Variants in SLC9C1 observed in about 807,000 individuals in gnomAD.
SLC9C1 encodes sodium/hydrogen exchanger 10.
Under a neutral mutation model 140.9 loss-of-function variants are expected in SLC9C1, and 97 were observed. That is an observed-to-expected ratio of 0.69 (90% CI 0.58 to 0.82). SLC9C1 has a LOEUF of 0.82. SLC9C1 is among the 40% of genes least tolerant of loss of function. The probability of loss-of-function intolerance (pLI) is 0.00; values close to 1 mark genes in which losing one functional copy is unlikely to be tolerated. For synonymous variants in SLC9C1, 440 were observed against 442.6 expected (o/e 0.99, Z 0.07); for missense variants, 1,340 against 1,389.3 (o/e 0.96, Z 0.56).
At position 112,168,322 on chromosome 3, in the gene SLC9C1, TACACACACACACACACAC is replaced by T. The variant is rs56965031; in HGVS notation, c.3237+537_3237+554del. ...CTGATTCTCCCCCAACACAAAACAA[TACACACACACACACACAC>T]ACACACACACACACACACACACACA... is the stretch of plus-strand genomic sequence containing the variant. On this transcript the variant is annotated intron_variant, in intron 25 of 28. Coordinates refer to ENST00000305815, the MANE Select transcript of SLC9C1 (RefSeq NM_183061.3). Among the ~76,000 whole-genome samples the T allele has an allele frequency of 3.7e-4, 49 of 133,832 alleles. 1 individual carries two copies. Among genetic ancestry groups the T allele is most frequent in the Admixed American group, 1.1e-3 (14 of 13,020 alleles). 87.8% of individuals were successfully genotyped at this position (133,832 alleles called of 152,430 possible).
chr3:112,209,265 A>G (rs2108067782), intron 15 of SLC9C1, among the ~76,000 whole-genome samples: 1 of 152,264 alleles, frequency 6.6e-6, no homozygotes, highest in Admixed American at 6.5e-5. Context: ...CTGTGCTCAC[A>G]TTGCCAGGGC....
intron 20 of SLC9C1, among the ~76,000 whole-genome samples, chr3:112,198,640 A>T (rs926452485): frequency 1.3e-5 from 2 of 151,944 alleles, no homozygotes; most frequent in Non-Finnish European, 2.9e-5. Flanking sequence ...ATGAGGGTTA[A>T]ATTTTATCAA....
At position 112,178,206 on chromosome 3, in the gene SLC9C1, ATGAC is replaced by A. The variant is rs552283903; in HGVS notation, c.2919+1321_2919+1324del. Among the ~76,000 whole-genome samples, 71 of 151,698 alleles carry A rather than the reference ATGAC, an allele frequency of 4.7e-4. 1 individual carries two copies. The highest frequency in any genetic ancestry group is 8.7e-4 in the Non-Finnish European group (59 of 67,938). On this transcript the variant is annotated intron_variant, in intron 23 of 28. Coordinates refer to ENST00000305815, the MANE Select transcript of SLC9C1 (RefSeq NM_183061.3). ...CAGTCTGGAGTGCAGTGGTGCAATCATGACTGACTGTAACTTTGGGTTCCTGAGC... is the reference window on the plus strand; with the variant it reads ...CAGTCTGGAGTGCAGTGGTGCAATCATGACTGTAACTTTGGGTTCCTGAGC...
chr3:112,247,298 G>A (rs1356237076), intron 10 of SLC9C1, among the ~76,000 whole-genome samples: 1 of 151,938 alleles, frequency 6.6e-6, no homozygotes, highest in African/African-American at 2.4e-5. Flanking sequence ...TATCTAGGGT[G>A]GAAAGCCCTC....
At chr3:112,166,356 G>A (rs1437720262) in intron 26 of SLC9C1, among the ~76,000 whole-genome samples, 3 of 152,316 alleles carry the variant, frequency 2.0e-5, no homozygotes, top group Non-Finnish European at 2.9e-5. Context: ...CGTCTTCTGC[G>A]TCACTCATGC....
intron 26 of SLC9C1, among the ~76,000 whole-genome samples, chr3:112,157,606 G>C (rs1280304894): frequency 6.6e-6 from 1 of 151,800 alleles, no homozygotes; most frequent in Admixed American, 6.6e-5. Context: ...AGATTGCTTT[G>C]GGTAGTATAG....
chr3:112,243,967 C>A, intron 11 of SLC9C1, 28 bp downstream of exon 11: 1 of 1,448,424 alleles, frequency 6.9e-7, no homozygotes, highest in Non-Finnish European at 9.5e-7. Flanking sequence ...TTTTTCTCTC[C>A]ACAGGAATAG....
At chr3:112,249,739 G>A (rs9819582) in intron 10 of SLC9C1, among the ~76,000 whole-genome samples, 89,917 of 151,854 alleles carry the variant, frequency 0.59, 27,135 homozygotes, top group East Asian at 0.79. Flanking sequence ...GGTGTTCACA[G>A]CATTTTCTGA....
At chr3:112,201,994 T>A (rs999441469) in intron 18 of SLC9C1, among the ~76,000 whole-genome samples, 12 of 152,012 alleles carry the variant, frequency 7.9e-5, no homozygotes, top group African/African-American at 2.9e-4. Flanking sequence ...AGCTAACCAC[T>A]GCACTTGGGT....
At chr3:112,278,706 T>G in intron 4 of SLC9C1, 23 bp downstream of exon 4, 1 of 1,580,158 alleles carries the variant, frequency 6.3e-7, no homozygotes, top group Non-Finnish European at 8.5e-7. Flanking sequence ...GAATGAATGA[T>G]ATTACCAAAA....
chr3:112,164,055 T>C (rs1178691466), intron 26 of SLC9C1, among the ~76,000 whole-genome samples: 1 of 152,140 alleles, frequency 6.6e-6, no homozygotes, highest in Non-Finnish European at 1.5e-5. Context: ...TTGATCTTTG[T>C]TGGTTTAAAG....
At chr3:112,209,446 T>C (rs13064510) in intron 15 of SLC9C1, among the ~76,000 whole-genome samples, 69,067 of 151,998 alleles carry the variant, frequency 0.45, 16,191 homozygotes, top group East Asian at 0.62. Flanking sequence ...CTTAAATTTA[T>C]GGTTAAATTT....
rs1469159083 is a variant in SLC9C1, at chr3:112,262,923, C to T, written c.1197+1G>A. On this transcript the variant is annotated splice_donor_variant, in intron 10 of 28. Transcript: ENST00000305815. LOFTEE classifies it high-confidence loss of function. ...AGATAAGAAAATACAGCTTTCTTTA[C>T]TTGAGATTTTTCTTTGTCAGATCCA... 1 of 1,561,470 alleles carries T rather than the reference C, an allele frequency of 6.4e-7. No homozygotes were observed. The highest frequency in any genetic ancestry group is 1.4e-5 in the African/African-American group (1 of 71,992).
intron 20 of SLC9C1, among the ~76,000 whole-genome samples, chr3:112,186,857 G>T (rs941642273): frequency 2.0e-5 from 3 of 152,158 alleles, no homozygotes; most frequent in Non-Finnish European, 4.4e-5. Context: ...GAGTAGGATG[G>T]TCTTTTTCAT....
chr3:112,273,513 A>G (rs1205283553), intron 6 of SLC9C1, among the ~76,000 whole-genome samples: 1 of 152,090 alleles, frequency 6.6e-6, no homozygotes, highest in African/African-American at 2.4e-5. Flanking sequence ...AATACCTCCT[A>G]TGCCCAAGTG....
intron 13 of SLC9C1, among the ~76,000 whole-genome samples, chr3:112,227,216 G>A (rs2078705719): frequency 6.6e-6 from 1 of 151,972 alleles, no homozygotes; most frequent in South Asian, 2.1e-4. Flanking sequence ...TTTTTGAAAG[G>A]GAAGGAATTC....
chr3:112,281,978 G>A (rs1407451382), intron 2 of SLC9C1, among the ~76,000 whole-genome samples: 1 of 152,158 alleles, frequency 6.6e-6, no homozygotes, highest in Non-Finnish European at 1.5e-5. Flanking sequence ...CAGATTGTGA[G>A]AAAAAAACTA....
At chr3:112,149,925 C>G (rs1477216407) in intron 28 of SLC9C1, among the ~76,000 whole-genome samples, 1 of 152,144 alleles carries the variant, frequency 6.6e-6, no homozygotes, top group African/African-American at 2.4e-5. Flanking sequence ...GGCCCCACTG[C>G]ACCACAATCT....
intron 20 of SLC9C1, among the ~76,000 whole-genome samples, chr3:112,188,078 A>G (rs995255204): frequency 5.9e-5 from 9 of 152,190 alleles, no homozygotes; most frequent in African/African-American, 1.9e-4. Context: ...CCACACTTGC[A>G]TGGCCATACT....
Sources: gnomAD v4.1 joint callset for allele counts (sites outside exome capture counted in the v4.1 genomes callset) on GRCh38, gnomAD v4.1.1 for gene constraint, MANE v1.5 for transcripts, NCBI Gene and HGNC (gene_info 2026-07-23, HGNC 2026-07-21) for gene names.